The following PKIG variants were observed in gnomAD, a reference collection of about 807,000 sequenced individuals.
PKIG encodes the protein protein kinase (cAMP-dependent, catalytic) inhibitor gamma.
Under a neutral mutation model 6.8 loss-of-function variants are expected in PKIG, and 1 was observed. The ratio of observed to expected loss-of-function variants is 0.15; its 90% CI spans 0.05 to 0.69. PKIG has a LOEUF of 0.69. PKIG is among the 30% of genes least tolerant of loss of function. PKIG has a pLI of 0.82. For missense variants in PKIG, 77 were observed against 104.0 expected (o/e 0.74, Z 1.13); for synonymous variants, 39 against 43.0 (o/e 0.91, Z 0.36).
intron 1 of PKIG, among the ~76,000 whole-genome samples, chr20:44,576,248 A>G (rs1341707646): frequency 2.6e-5 from 4 of 151,536 alleles, no homozygotes; most frequent in African/African-American, 9.7e-5. Flanking sequence ...GCACTCTTCT[A>G]GGCACTTGGG....
At chr20:44,599,943 A>G (rs1254097654) in intron 2 of PKIG, among the ~76,000 whole-genome samples, 8 of 152,152 alleles carry the variant, frequency 5.3e-5, no homozygotes. Context: ...CAGCTCTGCC[A>G]GGGCTTTCCT....
At chr20:44,606,115 C>T (rs1445793735) in intron 2 of PKIG, among the ~76,000 whole-genome samples, 1 of 152,108 alleles carries the variant, frequency 6.6e-6, no homozygotes, top group Non-Finnish European at 1.5e-5. Flanking sequence ...CTAGTAACTC[C>T]TAATTAGACA....
At chr20:44,577,927 G>T (rs1308269173), upstream of PKIG, among the ~76,000 whole-genome samples, 1 of 152,214 alleles carries the variant, frequency 6.6e-6, no homozygotes, top group Admixed American at 6.5e-5. Flanking sequence ...GTGGGCCCTG[G>T]TGGGAGGTGT....
At chr20:44,567,446 T>C (rs2064819545) in intron 1 of PKIG, among the ~76,000 whole-genome samples, 2 of 152,214 alleles carry the variant, frequency 1.3e-5, no homozygotes, top group Admixed American at 1.3e-4. Context: ...GTTCTAAAAC[T>C]CCTAATTTTT....
At chr20:44,568,418 T>A (rs1489702741) in intron 1 of PKIG, among the ~76,000 whole-genome samples, 1 of 151,944 alleles carries the variant, frequency 6.6e-6, no homozygotes, top group African/African-American at 2.4e-5. Context: ...CTTTCCGTTT[T>A]ACAGACATGA....
chr20:44,544,156 G>A (rs1198270690), intron 1 of PKIG, among the ~76,000 whole-genome samples: 1 of 152,124 alleles, frequency 6.6e-6, no homozygotes, highest in African/African-American at 2.4e-5. Context: ...GGCCTGGACT[G>A]GGTCATATGC....
chr20:44,585,268 C>T (rs1037952201), intron 1 of PKIG: 1 of 152,338 alleles, frequency 6.6e-6, no homozygotes, highest in Non-Finnish European at 1.5e-5. Context: ...AAAGTTGCTC[C>T]TGTTATCAGT....
At chr20:44,544,211 G>A (rs1012546670) in intron 1 of PKIG, among the ~76,000 whole-genome samples, 1 of 152,168 alleles carries the variant, frequency 6.6e-6, no homozygotes, top group Non-Finnish European at 1.5e-5. Flanking sequence ...GTGATGCCCT[G>A]ATGGGCTTAG....
chr20:44,577,067 A>T (rs1286355752), intron 1 of PKIG, among the ~76,000 whole-genome samples: 2 of 152,092 alleles, frequency 1.3e-5, no homozygotes, highest in African/African-American at 4.8e-5. Context: ...CCCATCCCCC[A>T]AAAATGACTT....
At chr20:44,599,606 C>T (rs1224997347) in intron 2 of PKIG, among the ~76,000 whole-genome samples, 1 of 152,074 alleles carries the variant, frequency 6.6e-6, no homozygotes, top group East Asian at 1.9e-4. Context: ...CCTATAGTCC[C>T]AGCTACTTGG....
intron 2 of PKIG, among the ~76,000 whole-genome samples, chr20:44,611,671 C>A (rs991956304): frequency 4.6e-5 from 7 of 151,942 alleles, no homozygotes; most frequent in Non-Finnish European, 1.0e-4. Flanking sequence ...CGCCTGCCAC[C>A]ACGCCTGGCT....
chr20:44,547,885 A>G (rs898818443), intron 1 of PKIG, among the ~76,000 whole-genome samples: 4 of 152,106 alleles, frequency 2.6e-5, no homozygotes, highest in East Asian at 1.9e-4. Context: ...CCTGTTCTCC[A>G]TTAAAAATAG....
intron 1 of PKIG, among the ~76,000 whole-genome samples, chr20:44,532,180 G>C (rs925699278): frequency 5.9e-5 from 9 of 152,140 alleles, no homozygotes; most frequent in Non-Finnish European, 1.2e-4. Context: ...GTTTTCGGCT[G>C]TTTATTATAT....
At chr20:44,582,116 C>G (rs1046932868), upstream of PKIG, among the ~76,000 whole-genome samples, 2 of 152,046 alleles carry the variant, frequency 1.3e-5, no homozygotes, top group Non-Finnish European at 2.9e-5. Context: ...TGTACTGTGC[C>G]CAGCATGTAC....
upstream of PKIG, among the ~76,000 whole-genome samples, chr20:44,580,218 T>C (rs2064935791): frequency 6.6e-6 from 1 of 152,188 alleles, no homozygotes; most frequent in South Asian, 2.1e-4. Flanking sequence ...TCTTCTCATT[T>C]TACACTGGGA....
chr20:44,554,844 G>A (rs1172092120), intron 1 of PKIG, among the ~76,000 whole-genome samples: 2 of 152,130 alleles, frequency 1.3e-5, no homozygotes, highest in African/African-American at 4.8e-5. Flanking sequence ...GGGGCGTGGG[G>A]GCACCTACAG....
At chr20:44,572,895 C>A (rs2064865953) in intron 1 of PKIG, among the ~76,000 whole-genome samples, 1 of 152,182 alleles carries the variant, frequency 6.6e-6, no homozygotes, top group African/African-American at 2.4e-5. Context: ...GCTCCCACCC[C>A]TATGCAACCT....
chr20:44,591,979 G>A (rs184837807), intron 2 of PKIG, among the ~76,000 whole-genome samples: 308 of 152,282 alleles, frequency 2.0e-3, no homozygotes, highest in Non-Finnish European at 3.3e-3. Flanking sequence ...AGAAGGACCG[G>A]TCTACAGAGG....
chr20:44,545,864 C>T (rs2064609109), intron 1 of PKIG, among the ~76,000 whole-genome samples: 1 of 152,006 alleles, frequency 6.6e-6, no homozygotes, highest in African/African-American at 2.4e-5. Context: ...GAACACTTCA[C>T]AAGTATCATT....
Sources: allele counts gnomAD v4.1 joint callset (sites outside exome capture counted in the v4.1 genomes callset), GRCh38; gene constraint gnomAD v4.1.1; transcripts MANE v1.5; gene names NCBI Gene and HGNC (gene_info 2026-07-23, HGNC 2026-07-21).